The following COG7 variants were observed in gnomAD, a reference collection of about 807,000 sequenced individuals.
The protein encoded by COG7 is conserved oligomeric Golgi complex subunit 7.
COG7 carries 49 observed loss-of-function variants against 91.5 expected under a neutral mutation model. That is an observed-to-expected ratio of 0.54 (90% CI 0.43 to 0.68). The LOEUF is 0.68. Among genes scored for constraint, COG7 ranks in the 30% least tolerant of loss-of-function variants. The probability of loss-of-function intolerance (pLI) is 0.00; values close to 1 mark genes in which losing one functional copy is unlikely to be tolerated. For missense variants in COG7, 895 were observed against 961.3 expected, an observed-to-expected ratio of 0.93 and a Z score of 0.91; for synonymous variants, 365 against 388.7, an observed-to-expected ratio of 0.94 and a Z score of 0.72.
At position 23,433,441 on chromosome 16, in the gene COG7, CTTT is replaced by C. The variant is rs1467840088; in HGVS notation, c.810+101_810+103del. ...AATGACAGCAACAAACGGGGAAGTT[CTTT>C]GAGCTGTGCTCTGCAGTTGAGGGTG... On this transcript the variant is annotated intron_variant, in intron 6 of 16. Coordinates refer to ENST00000307149, the MANE Select transcript of COG7 (RefSeq NM_153603.4). 6 of 1,463,912 alleles carry C rather than the reference CTTT, an allele frequency of 4.1e-6. No individual in the cohort carries two copies. The African/African-American group carries it at 5.5e-5, about 14-fold the overall frequency. 90.7% of individuals were successfully genotyped at this position (1,463,912 alleles called of 1,614,324 possible). A position where few individuals can be genotyped will look rare whatever the true frequency, so the allele number is the denominator to read the frequency against.
At chr16:23,401,239 T>G (rs1206217569) in intron 13 of COG7, among the ~76,000 whole-genome samples, 1 of 152,226 alleles carries the variant, frequency 6.6e-6, no homozygotes, top group African/African-American at 2.4e-5. Flanking sequence ...GGGTTTAATT[T>G]TCAAATCCTT....
rs577047031 is a variant in COG7, at chr16:23,443,943, G to A, written c.435+1105C>T. 4.6e-5 allele frequency among the ~76,000 whole-genome samples: 7 copies of A among 152,106 alleles called. No individual in the cohort carries two copies. In the South Asian group the frequency reaches 1.0e-3, roughly 23 times the overall value. On this transcript the variant is annotated intron_variant, in intron 3 of 16. Transcript: ENST00000307149. ...GAGGAGGGCAGATCACCTGAGGTCA[G>A]TAGTTCAAGACCAGCCTGGCCAACA... is the stretch of plus-strand genomic sequence containing the variant.
In COG7 at chr16:23,408,821, C is replaced by A. The variant is rs1040025997; in HGVS notation, c.1475+1474G>T. ...TCTTAATGAAATCAAGTATTACATT[C>A]TGAAGGGTAAGGAGAGACTGGTTAG... On this transcript the variant is annotated intron_variant, in intron 11 of 16. Coordinates refer to ENST00000307149, the MANE Select transcript of COG7 (RefSeq NM_153603.4). Among the ~76,000 whole-genome samples, 4 of 151,942 alleles carry A rather than the reference C, an allele frequency of 2.6e-5. No individual in the cohort carries two copies. The South Asian group carries it at 8.3e-4, about 32-fold the overall frequency.
chr16:23,437,010 C>T (rs1459516556), intron 4 of COG7, among the ~76,000 whole-genome samples: 2 of 152,060 alleles, frequency 1.3e-5, no homozygotes, highest in African/African-American at 4.8e-5. Context: ...TGGTGCAGAA[C>T]AGTACAAAGG....
intron 6 of COG7, among the ~76,000 whole-genome samples, chr16:23,430,494 C>T (rs796288333): frequency 6.7e-5 from 10 of 149,474 alleles, no homozygotes; most frequent in African/African-American, 2.2e-4. Context: ...AAACATTGAA[C>T]TCTAGTTAAT....
At chr16:23,424,974 C>CT in intron 6 of COG7, 27 bp from the exon 7 acceptor site, 1 of 1,570,430 alleles carries the variant, frequency 6.4e-7, no homozygotes, top group Non-Finnish European at 8.7e-7. Flanking sequence ...GTGTACCTGC[C>CT]TTAGCACATG....
chr16:23,405,994 C>A, intron 12 of COG7, 82 bp downstream of exon 12: 1 of 1,318,074 alleles, frequency 7.6e-7, no homozygotes, highest in Non-Finnish European at 1.1e-6. Context: ...ACACAGGGCC[C>A]GCCTGTAACC....
intron 14 of COG7, 185 bp from the exon 15 acceptor site, chr16:23,393,532 A>G (rs924467275): frequency 3.3e-6 from 2 of 613,578 alleles, no homozygotes; most frequent in Admixed American, 2.6e-5. Flanking sequence ...AATCACTGGT[A>G]GCTTGCATAT....
chr16:23,418,606 C>A, intron 8 of COG7, 94 bp downstream of exon 8: 1 of 1,180,346 alleles, frequency 8.5e-7, no homozygotes, highest in Non-Finnish European at 1.3e-6. Flanking sequence ...TATTTCAGCA[C>A]CCCGGATCCC....
intron 7 of COG7, 64 bp downstream of exon 7, chr16:23,424,685 C>T: frequency 1.3e-6 from 2 of 1,543,322 alleles, no homozygotes; most frequent in East Asian, 2.2e-5. Context: ...CAAATCCAGG[C>T]CCCAGAAGCT....
rs770781371 is a variant in COG7 at position 23,389,007 on chromosome 16, G to C, written c.2226C>G (p.Thr742=). Residue 742 remains threonine, a synonymous_variant, in exon 17 of 17, where the codon ACC becomes ACG. Coordinates refer to ENST00000307149, the MANE Select transcript of COG7 (RefSeq NM_153603.4). ...TLQHIVTLLK[T]RPEDYRQVSK... is the part of the protein sequence containing the mutation. ...TGACCTGTCTATAGTCCTCAGGCCT[G>C]GTCTTCAGTAGCGTCACGATGTGCT... 4 of 1,614,002 alleles carry C rather than the reference G, an allele frequency of 2.5e-6. No individual in the cohort carries two copies. The highest frequency in any genetic ancestry group is 2.7e-5 in the African/African-American group (2 of 74,906).
Position 23,445,083 on chromosome 16 carries a change from A to G in COG7, c.400T>C (p.Leu134=), listed in dbSNP as rs1207299706. 1.2e-6 allele frequency: 2 copies of G among 1,614,104 alleles called. No individual in the cohort carries two copies. Among genetic ancestry groups the G allele is most frequent in the Non-Finnish European group, 1.7e-6 (2 of 1,179,976 alleles). The change falls in exon 3 of 17, where the codon TTG becomes CTG. Residue 134 remains leucine (L), a synonymous_variant. Coordinates refer to ENST00000307149, the MANE Select transcript of COG7 (RefSeq NM_153603.4). ...AATGTCTCCTCAATATCGGCGCTCA[A>G]CGTGCTCCACTTATCTGCTTCCTGA... is the stretch of plus-strand genomic sequence containing the variant. ...SLQEADKWST[L]SADIEETFKT...
intron 11 of COG7, among the ~76,000 whole-genome samples, chr16:23,406,941 C>T (rs1963472715): frequency 6.6e-6 from 1 of 152,154 alleles, no homozygotes; most frequent in Admixed American, 6.5e-5. Flanking sequence ...TGACCTCCAC[C>T]CTGTTTTCCT....
At chr16:23,424,103 C>T (rs1363289806) in intron 7 of COG7, among the ~76,000 whole-genome samples, 1 of 152,070 alleles carries the variant, frequency 6.6e-6, no homozygotes, top group Non-Finnish European at 1.5e-5. Context: ...GAGTTCGAGA[C>T]CAGCCTCAAC....
intron 14 of COG7, 91 bp from the exon 15 acceptor site, chr16:23,393,438 G>C: frequency 8.2e-6 from 8 of 973,170 alleles, no homozygotes; most frequent in Non-Finnish European, 1.3e-5. Context: ...ACGGCAGAGA[G>C]ACAAAATTGC....
intron 6 of COG7, among the ~76,000 whole-genome samples, chr16:23,427,004 T>C (rs1214941087): frequency 1.3e-5 from 2 of 152,006 alleles, no homozygotes; most frequent in African/African-American, 4.8e-5. Flanking sequence ...ATCCCAACAC[T>C]TTGGGAGGCT....
chr16:23,409,089 G>GTGTA (rs1039618750), intron 11 of COG7, among the ~76,000 whole-genome samples: 1 of 85,072 alleles, frequency 1.2e-5, no homozygotes, highest in African/African-American at 5.3e-5. Flanking sequence ...GTGTGTGTGT[G>GTGTA]CGTGCATGTG....
chr16:23,414,096 A>C (rs1419153719), intron 9 of COG7: 1 of 163,632 alleles, frequency 6.1e-6, no homozygotes, highest in Non-Finnish European at 1.3e-5. Context: ...CAGACGCATG[A>C]AAGTGGATTC....
chr16:23,406,506 C>T (rs1963464368), intron 11 of COG7, among the ~76,000 whole-genome samples: 1 of 152,118 alleles, frequency 6.6e-6, no homozygotes, highest in Non-Finnish European at 1.5e-5. Context: ...CCAGAACATG[C>T]TATCTCCCTA....
Sources: allele counts gnomAD v4.1 joint callset (sites outside exome capture counted in the v4.1 genomes callset), GRCh38; gene constraint gnomAD v4.1.1; transcripts MANE v1.5; gene names NCBI Gene and HGNC (gene_info 2026-07-23, HGNC 2026-07-21).